KPNA1: variants seen among roughly 807,000 people sequenced by gnomAD.
The protein encoded by KPNA1 is importin subunit alpha-5.
KPNA1 carries 10 observed loss-of-function variants against 70.5 expected under a neutral mutation model. The observed-to-expected ratio is 0.14, with a 90% CI of 0.09 to 0.24. The LOEUF (loss-of-function observed/expected upper bound fraction) is 0.24. Among genes scored for constraint, KPNA1 ranks in the 10% least tolerant of loss-of-function variants. The pLI is 1.00. For synonymous variants in KPNA1, 192 were observed against 221.9 expected (o/e 0.87, Z 1.20); for missense variants, 397 against 637.9 (o/e 0.62, Z 4.07).
chr3:122,486,575 T>C (rs886822597), intron 2 of KPNA1, among the ~76,000 whole-genome samples: 1 of 151,910 alleles, frequency 6.6e-6, no homozygotes, highest in Admixed American at 6.6e-5. Context: ...AAAGTATCTA[T>C]GTTAAAGTCT....
chr3:122,502,185 C>T (rs2076836479), intron 1 of KPNA1, among the ~76,000 whole-genome samples: 1 of 152,160 alleles, frequency 6.6e-6, no homozygotes, highest in Admixed American at 6.5e-5. Context: ...CAGGGTTACA[C>T]ACTAAATACA....
intron 5 of KPNA1, among the ~76,000 whole-genome samples, chr3:122,456,806 G>C (rs1190163310): frequency 1.3e-5 from 2 of 152,156 alleles, no homozygotes; most frequent in Non-Finnish European, 2.9e-5. Context: ...ATCAAAAACA[G>C]TTTTGCTATT....
At chr3:122,457,159 C>T (rs1313518501) in intron 5 of KPNA1, among the ~76,000 whole-genome samples, 1 of 152,120 alleles carries the variant, frequency 6.6e-6, no homozygotes, top group Non-Finnish European at 1.5e-5. Flanking sequence ...TACATAACTT[C>T]CCTTTCATCA....
At chr3:122,434,803 A>C (rs531025059) in intron 11 of KPNA1, among the ~76,000 whole-genome samples, 1 of 152,206 alleles carries the variant, frequency 6.6e-6, no homozygotes, top group Non-Finnish European at 1.5e-5. Context: ...ACATGGGTTT[A>C]TATCATTTCC....
intron 11 of KPNA1, among the ~76,000 whole-genome samples, chr3:122,435,992 T>A (rs2075981236): frequency 6.6e-6 from 1 of 152,240 alleles, no homozygotes; most frequent in Non-Finnish European, 1.5e-5. Flanking sequence ...GGAACAGAGC[T>A]ATTATTTCTC....
At chr3:122,510,807 G>C (rs1412798007) in intron 1 of KPNA1, among the ~76,000 whole-genome samples, 1 of 152,190 alleles carries the variant, frequency 6.6e-6, no homozygotes, top group Non-Finnish European at 1.5e-5. Flanking sequence ...CAGAGGCTGG[G>C]ACAGGGAACA....
chr3:122,429,361 T>C (rs560729198), intron 12 of KPNA1, among the ~76,000 whole-genome samples: 10 of 149,100 alleles, frequency 6.7e-5, no homozygotes, highest in East Asian at 4.0e-4. Context: ...TGAGGCAGAA[T>C]TGCTTGAACA....
rs76865601 is a variant in KPNA1, at chr3:122,465,885, G to C, written c.237+1437C>G. Among the ~76,000 whole-genome samples the C allele has an allele frequency of 7.4e-3, 1,122 of 152,326 alleles. 13 individuals carry two copies. The highest frequency in any genetic ancestry group is 0.025 in the African/African-American group (1,054 of 41,570). ...CATCAACTCTTAACCTGAATTTATA[G>C]TGGGCCAGTGTGCCCTACAGATTTC... On this transcript the variant is annotated intron_variant, in intron 3 of 13. Coordinates refer to ENST00000344337, the MANE Select transcript of KPNA1 (RefSeq NM_002264.4).
chr3:122,472,299 C>T (rs1268247984), intron 2 of KPNA1, among the ~76,000 whole-genome samples: 1 of 151,702 alleles, frequency 6.6e-6, no homozygotes, highest in Non-Finnish European at 1.5e-5. Flanking sequence ...TTAAAAAAAA[C>T]CCAAGTACTT....
intron 1 of KPNA1, among the ~76,000 whole-genome samples, chr3:122,510,713 A>G (rs1267219488): frequency 6.6e-6 from 1 of 152,204 alleles, no homozygotes; most frequent in Non-Finnish European, 1.5e-5. Context: ...ATATAGCAAT[A>G]AAAGCAAGTC....
At chr3:122,477,563 G>C (rs1166545258) in intron 2 of KPNA1, among the ~76,000 whole-genome samples, 2 of 152,096 alleles carry the variant, frequency 1.3e-5, no homozygotes, top group East Asian at 3.9e-4. Context: ...AGCTGGGCAG[G>C]GTGGCACTGG....
chr3:122,432,233 C>T (rs1369509024), intron 12 of KPNA1, among the ~76,000 whole-genome samples: 1 of 152,172 alleles, frequency 6.6e-6, no homozygotes, highest in Non-Finnish European at 1.5e-5. Context: ...CTGGTGACAG[C>T]ATAATTAAAA....
intron 1 of KPNA1, among the ~76,000 whole-genome samples, chr3:122,508,321 T>C (rs894145653): frequency 2.6e-5 from 4 of 152,194 alleles, no homozygotes; most frequent in African/African-American, 4.8e-5. Flanking sequence ...TCACACTACC[T>C]ACCCACAAAC....
At chr3:122,486,360 T>C (rs2076628470) in intron 2 of KPNA1, among the ~76,000 whole-genome samples, 1 of 152,104 alleles carries the variant, frequency 6.6e-6, no homozygotes, top group South Asian at 2.1e-4. Context: ...TGTGTGAAAC[T>C]AGAAAGAAAA....
chr3:122,459,856 GAGGAA>G (rs2076303806), intron 5 of KPNA1: 1 of 985,350 alleles, frequency 1.0e-6, no homozygotes, highest in Non-Finnish European at 1.2e-6. Context: ...GAAGGGATAG[GAGGAA>G]AGGAGAGAAA....
chr3:122,497,944 T>C (rs1194106441), intron 1 of KPNA1, among the ~76,000 whole-genome samples: 1 of 152,258 alleles, frequency 6.6e-6, no homozygotes, highest in Non-Finnish European at 1.5e-5. Context: ...GCTGTTGTTG[T>C]TGTTCATGCT....
chr3:122,438,678 G>A (rs921365890), intron 10 of KPNA1, among the ~76,000 whole-genome samples: 25 of 152,086 alleles, frequency 1.6e-4, no homozygotes, highest in African/African-American at 5.1e-4. Flanking sequence ...GAGCCACCAC[G>A]CTCGGCCAGG....
chr3:122,511,747 TAAAAC>T (rs1476769530), intron 1 of KPNA1, among the ~76,000 whole-genome samples: 3 of 152,194 alleles, frequency 2.0e-5, no homozygotes, highest in Non-Finnish European at 2.9e-5. Context: ...AAAGATACCT[TAAAAC>T]AAAACAAGGA....
Position 122,504,276 on chromosome 3 carries a change from C to T in KPNA1, c.-5-7706G>A, listed in dbSNP as rs186512963. Reference sequence around the variant, plus strand: ...TGGCTAATTCAGTATCTGGTGAGGACCCACCTCCTGGTTCACAGATGACCA... The same window carrying T: ...TGGCTAATTCAGTATCTGGTGAGGATCCACCTCCTGGTTCACAGATGACCA... On this transcript the variant is annotated intron_variant, in intron 1 of 13. Transcript: ENST00000344337. 5.9e-5 allele frequency among the ~76,000 whole-genome samples: 9 copies of T among 151,784 alleles called. No homozygotes were observed. In the East Asian group the frequency reaches 1.8e-3, roughly 30 times the overall value.
Sources: allele counts gnomAD v4.1 joint callset (sites outside exome capture counted in the v4.1 genomes callset), GRCh38; gene constraint gnomAD v4.1.1; transcripts MANE v1.5; gene names NCBI Gene and HGNC (gene_info 2026-07-23, HGNC 2026-07-21).